Variants in PATJ observed in about 807,000 individuals in gnomAD.
PATJ encodes the protein PATJ crumbs cell polarity complex component.
A neutral mutation model predicts 224.9 loss-of-function variants in PATJ; 190 were observed. That is an observed-to-expected ratio of 0.84 (90% CI 0.75 to 0.95). The LOEUF is 0.95. Among genes scored for constraint, PATJ ranks in the 40% least tolerant of loss-of-function variants. The pLI, the probability that PATJ is intolerant of heterozygous loss-of-function variation, is 0.00. For synonymous variants in PATJ, 769 were observed against 820.3 expected (o/e 0.94, Z 1.07); for missense variants, 2,121 against 2,270.3 (o/e 0.93, Z 1.34).
intron 33 of PATJ, among the ~76,000 whole-genome samples, chr1:62,095,678 G>GT (rs199629849): frequency 2.4e-4 from 37 of 151,526 alleles, no homozygotes; most frequent in Admixed American, 1.1e-3. Flanking sequence ...GTGCTTCCCA[G>GT]TTTTTTTTTG....
At chr1:61,945,069 GA>G (rs1678456513) in intron 27 of PATJ, among the ~76,000 whole-genome samples, 1 of 152,162 alleles carries the variant, frequency 6.6e-6, no homozygotes, top group Non-Finnish European at 1.5e-5. Flanking sequence ...AAGAGCTCCT[GA>G]AGGAAGCACT....
intron 1 of PATJ, among the ~76,000 whole-genome samples, chr1:61,750,882 G>A (rs1645285207): frequency 6.6e-6 from 1 of 152,032 alleles, no homozygotes; most frequent in Non-Finnish European, 1.5e-5. Context: ...TCTACTGAAA[G>A]GTCACTAACA....
At chr1:62,068,109 A>T (rs1486095607) in intron 31 of PATJ, among the ~76,000 whole-genome samples, 3 of 152,162 alleles carry the variant, frequency 2.0e-5, no homozygotes. Context: ...TTGTTGTCTT[A>T]TACTCAGTTC....
Position 62,161,194 on chromosome 1 carries a change from G to C in PATJ, c.*140G>C. 3.5e-6 allele frequency: 2 copies of C among 567,916 alleles called. No individual in the cohort carries two copies. Among genetic ancestry groups the C allele is most frequent in the Non-Finnish European group, 5.4e-6 (2 of 371,692 alleles). The allele number at this position is 567,916 out of a possible 1,614,324, so 35.2% of individuals were successfully genotyped here. ...TTGCCCTCTCTGCTCAGGAGAAATG[G>C]CTGAGGTTTCATGTGAATTTCCCAA... is the stretch of plus-strand genomic sequence containing the variant. On this transcript the variant is annotated 3_prime_UTR_variant, in exon 44 of 44. Transcript: ENST00000642238.
chr1:62,137,015 T>G (rs1329654425), intron 41 of PATJ, among the ~76,000 whole-genome samples: 1 of 152,134 alleles, frequency 6.6e-6, no homozygotes, highest in Non-Finnish European at 1.5e-5. Context: ...TATCTGGAAA[T>G]TATTTTGACT....
At chr1:62,057,865 T>C (rs1654806128) in intron 31 of PATJ, among the ~76,000 whole-genome samples, 2 of 152,236 alleles carry the variant, frequency 1.3e-5, no homozygotes, top group Admixed American at 6.5e-5. Context: ...TGTGTTAGAA[T>C]TGCCCTGGAC....
intron 41 of PATJ, among the ~76,000 whole-genome samples, chr1:62,129,796 C>T (rs1192637389): frequency 3.3e-5 from 5 of 152,052 alleles, no homozygotes; most frequent in Non-Finnish European, 7.4e-5. Context: ...CAAAAATTAG[C>T]CAGGCATGGT....
intron 29 of PATJ, among the ~76,000 whole-genome samples, chr1:62,024,970 G>T (rs1198690506): frequency 6.6e-6 from 1 of 152,152 alleles, no homozygotes; most frequent in African/African-American, 2.4e-5. Flanking sequence ...TCCTCTGGAA[G>T]TCTCTTAGTT....
Position 61,884,304 on chromosome 1 carries a change from G to A in PATJ, c.3027G>A (p.Arg1009=), listed in dbSNP as rs772149604. The A allele has an allele frequency of 5.0e-6, 8 of 1,613,496 alleles. No homozygotes were observed. The highest frequency in any genetic ancestry group is 1.7e-5 in the Admixed American group (1 of 59,864). The change falls in exon 22 of 44, where the codon AGG becomes AGA. Residue 1009 remains arginine, a synonymous_variant. Transcript: ENST00000642238. ...ACCTTCCTGTTGTGGCTCAAAGGAG[G>A]GAGCAAGAAGATTTGCCTTTATATC... ...LIDLPVVAQR[R]EQEDLPLYQH...
At chr1:61,891,515 C>T (rs1186050058) in intron 22 of PATJ, among the ~76,000 whole-genome samples, 3 of 152,098 alleles carry the variant, frequency 2.0e-5, no homozygotes, top group African/African-American at 7.2e-5. Flanking sequence ...TCTGTGGCCT[C>T]GAGCACGTGA....
chr1:62,029,069 C>G (rs552551834), intron 29 of PATJ, among the ~76,000 whole-genome samples: 1 of 152,178 alleles, frequency 6.6e-6, no homozygotes, highest in South Asian at 2.1e-4. Flanking sequence ...TATGCCAGTA[C>G]CACACTGTTT....
chr1:62,000,464 T>TA (rs550850420), intron 28 of PATJ, among the ~76,000 whole-genome samples: 29 of 150,948 alleles, frequency 1.9e-4, no homozygotes, highest in Non-Finnish European at 3.1e-4. Context: ...TTTTTGTTCT[T>TA]ACGATAGTTT....
chr1:61,868,013 C>A (rs1222231034), intron 20 of PATJ, among the ~76,000 whole-genome samples: 1 of 152,140 alleles, frequency 6.6e-6, no homozygotes, highest in Non-Finnish European at 1.5e-5. Context: ...TAGATGTCAG[C>A]TATATTTGTG....
chr1:61,933,255 T>A (rs1676294201), intron 27 of PATJ, among the ~76,000 whole-genome samples: 1 of 152,062 alleles, frequency 6.6e-6, no homozygotes, highest in Non-Finnish European at 1.5e-5. Context: ...AAATGGCCTT[T>A]CATACCTGGA....
intron 41 of PATJ, among the ~76,000 whole-genome samples, chr1:62,133,723 T>G (rs1369059226): frequency 6.8e-6 from 1 of 147,626 alleles, no homozygotes; most frequent in African/African-American, 2.5e-5. Flanking sequence ...TTTGCAGGAG[T>G]GGAGTGGGAT....
chr1:61,883,969 T>C (rs1041488716), intron 21 of PATJ, among the ~76,000 whole-genome samples: 1 of 54,200 alleles, frequency 1.8e-5, no homozygotes, highest in Non-Finnish European at 3.6e-5. Flanking sequence ...AATATTAATA[T>C]TGCATAAATG....
At chr1:61,884,130 T>C in intron 21 of PATJ, 107 bp from the exon 22 acceptor site, 2 of 649,822 alleles carry the variant, frequency 3.1e-6, no homozygotes, top group Non-Finnish European at 5.1e-6. Context: ...TTCAGTCTCC[T>C]ACCTGGAAGA....
intron 1 of PATJ, among the ~76,000 whole-genome samples, chr1:61,756,937 G>C (rs1645680177): frequency 6.6e-6 from 1 of 151,970 alleles, no homozygotes; most frequent in South Asian, 2.1e-4. Flanking sequence ...AAACTTTGTA[G>C]GTAGGATTAG....
intron 1 of PATJ, among the ~76,000 whole-genome samples, chr1:61,758,187 G>A (rs1338959072): frequency 6.6e-6 from 1 of 152,148 alleles, no homozygotes; most frequent in Non-Finnish European, 1.5e-5. Context: ...AGACACAGAT[G>A]AGCATTCCTT....
Sources: gnomAD v4.1 joint callset for allele counts (sites outside exome capture counted in the v4.1 genomes callset) on GRCh38, gnomAD v4.1.1 for gene constraint, MANE v1.5 for transcripts, NCBI Gene and HGNC (gene_info 2026-07-23, HGNC 2026-07-21) for gene names.